SPAG6: variants seen among roughly 807,000 people sequenced by gnomAD.
SPAG6 encodes sperm-associated antigen 6.
A neutral mutation model predicts 58.5 loss-of-function variants in SPAG6; 49 were observed. The ratio of observed to expected loss-of-function variants is 0.84; its 90% CI spans 0.67 to 1.06. SPAG6 has a LOEUF of 1.06. Ranked by LOEUF, SPAG6 falls within the 50% of genes least tolerant of loss-of-function variation. The pLI is 0.00. For synonymous variants in SPAG6, 233 were observed against 225.6 expected (o/e 1.03, Z -0.29); for missense variants, 560 against 611.3 (o/e 0.92, Z 0.89).
rs184005192 is a variant in SPAG6 at position 22,402,620 on chromosome 10, C to A, written c.1314+1343C>A. 3.4e-4 allele frequency among the ~76,000 whole-genome samples: 52 copies of A among 152,322 alleles called. 1 individual carries two copies. The East Asian group carries it at 9.4e-3, about 28-fold the overall frequency. ...GGATACAGTTCTGTGTATCAAACAC[C>A]TATGTCCTTTCTTCCTCCTTCCAAT... On this transcript the variant is annotated intron_variant, in intron 9 of 10. Transcript: ENST00000376624.
Position 22,404,706 on chromosome 10 carries a change from A to C in SPAG6, c.1314+3429A>C, listed in dbSNP as rs565737411. 3.5e-4 allele frequency among the ~76,000 whole-genome samples: 48 copies of C among 137,086 alleles called. No homozygotes were observed. The South Asian group carries it at 0.011, about 31-fold the overall frequency. 89.9% of individuals were successfully genotyped at this position (137,086 alleles called of 152,430 possible). ...TGGTAGCTTGATGGGGATGGCATTG[A>C]ATCTGTAAATTACCTTGGGCAGTAT... On this transcript the variant is annotated intron_variant, in intron 9 of 10. Transcript: ENST00000376624.
At chr10:22,387,375 T>C (rs1834091601) in intron 5 of SPAG6, among the ~76,000 whole-genome samples, 1 of 152,218 alleles carries the variant, frequency 6.6e-6, no homozygotes, top group Admixed American at 6.5e-5. Flanking sequence ...TTTTATATTC[T>C]AATAGTTATA....
intron 4 of SPAG6, among the ~76,000 whole-genome samples, chr10:22,379,902 C>T (rs921232713): frequency 5.3e-5 from 8 of 152,142 alleles, no homozygotes; most frequent in Admixed American, 4.6e-4. Context: ...TCAAGCAATC[C>T]TCCCACTTCA....
chr10:22,404,568 G>A (rs1190645469), intron 9 of SPAG6, among the ~76,000 whole-genome samples: 199 of 115,100 alleles, frequency 1.7e-3, no homozygotes, highest in African/African-American at 6.2e-3. Flanking sequence ...GTCAGGTAGC[G>A]TGATGCCTCC....
intron 9 of SPAG6, among the ~76,000 whole-genome samples, chr10:22,409,289 T>G (rs1834658872): frequency 6.6e-6 from 1 of 152,232 alleles, no homozygotes; most frequent in African/African-American, 2.4e-5. Flanking sequence ...AAATGAAATA[T>G]GTAAAACCAA....
intron 2 of SPAG6, among the ~76,000 whole-genome samples, chr10:22,346,671 CAATT>C (rs1308419977): frequency 9.9e-5 from 15 of 151,974 alleles, no homozygotes; most frequent in East Asian, 1.9e-4. Context: ...ATAATTTAAA[CAATT>C]AACATGTTGA....
chr10:22,371,375 T>C (rs1833688146), intron 4 of SPAG6, among the ~76,000 whole-genome samples: 1 of 152,282 alleles, frequency 6.6e-6, no homozygotes, highest in East Asian at 1.9e-4. Context: ...TGCTTCAGCT[T>C]CCTAAATAGC....
chr10:22,353,931 A>G (rs886377759), intron 2 of SPAG6, among the ~76,000 whole-genome samples: 2 of 152,220 alleles, frequency 1.3e-5, no homozygotes, highest in Non-Finnish European at 2.9e-5. Context: ...CACAAAGACA[A>G]GAGAAAAGGT....
At position 22,368,602 on chromosome 10, in the gene SPAG6, A is replaced by G. The variant is rs773018212; in HGVS notation, c.396A>G (p.Ile132Met). 36 of 1,613,888 alleles carry G rather than the reference A, an allele frequency of 2.2e-5. No homozygotes were observed. Among genetic ancestry groups the G allele is most frequent in the Non-Finnish European group, 3.0e-5 (35 of 1,179,964 alleles). ...GTGGAGCACTGGATACGCTGGTCATATGCTTGGAAGATTTTGACCCTGGAG... is the reference window on the plus strand; with the variant it reads ...GTGGAGCACTGGATACGCTGGTCATGTGCTTGGAAGATTTTGACCCTGGAG... ...VDCGALDTLV[I>M]CLEDFDPGVK... Residue 132 changes from isoleucine to methionine, a missense_variant, in exon 4 of 11, where the codon ATA (isoleucine) becomes ATG (methionine). Coordinates refer to ENST00000376624, the MANE Select transcript of SPAG6 (RefSeq NM_012443.4).
rs138647815 is a variant in SPAG6, at chr10:22,396,485, G to A, written c.1197+4565G>A. On this transcript the variant is annotated intron_variant, in intron 8 of 10. Coordinates refer to ENST00000376624, the MANE Select transcript of SPAG6 (RefSeq NM_012443.4). ...TCTTTTTCTTCCCCATGTCGGGTAT[G>A]TCTTTATCAGCTGCATGAAAACAGA... Among the ~76,000 whole-genome samples, 411 of 152,220 alleles carry A rather than the reference G, an allele frequency of 2.7e-3. 1 individual carries two copies. Among genetic ancestry groups the A allele is most frequent in the Non-Finnish European group, 4.8e-3 (324 of 68,026 alleles).
rs143921786 is a variant in SPAG6, at chr10:22,348,150, C to G, written c.121+2332C>G. On this transcript the variant is annotated intron_variant, in intron 2 of 10. Transcript: ENST00000376624. ...AGACTACAGGTGTGCGCCACCATGC[C>G]CAGCTAATTTTTGTACTTTTAGTAG... 9.3e-3 allele frequency among the ~76,000 whole-genome samples: 1,409 copies of G among 152,188 alleles called. 7 individuals are homozygous for G. The highest frequency in any genetic ancestry group is 0.015 in the Non-Finnish European group (1,050 of 68,004).
chr10:22,411,657 G>A (rs933045635), intron 10 of SPAG6: 1 of 152,022 alleles, frequency 6.6e-6, no homozygotes, highest in South Asian at 2.1e-4. Flanking sequence ...TTATTTACAG[G>A]TACTTCAGAG....
intron 4 of SPAG6, among the ~76,000 whole-genome samples, chr10:22,369,419 T>A (rs1393930541): frequency 6.6e-6 from 1 of 152,320 alleles, no homozygotes; most frequent in South Asian, 2.1e-4. Context: ...AATAAACATA[T>A]GTAAAAATGA....
chr10:22,346,514 T>TCTC (rs915424196), intron 2 of SPAG6, among the ~76,000 whole-genome samples: 1 of 127,486 alleles, frequency 7.8e-6, no homozygotes, highest in Non-Finnish European at 1.7e-5. Context: ...TTCTTCTTCC[T>TCTC]CTTCTTCTTC....
chr10:22,408,693 A>G (rs1588563833), intron 9 of SPAG6, among the ~76,000 whole-genome samples: 1 of 152,092 alleles, frequency 6.6e-6, no homozygotes, highest in South Asian at 2.1e-4. Context: ...TGCTTTGTTT[A>G]CCTAAGCAAG....
chr10:22,387,905 C>T lies in SPAG6; in HGVS notation c.761C>T (p.Pro254Leu). ...ATGGTTGTTGAAGCAGAGATTTTTC[C>T]AGTTGTACTTACCTGTCTGAAGGAC... ...AEMVVEAEIF[P>L]VVLTCLKDKD... The change falls in exon 6 of 11, where the codon CCA becomes CTA. Residue 254 changes from proline (P) to leucine (L), a missense_variant. Physicochemically the swap from Pro to Leu is moderately conservative, Grantham distance 98. Transcript: ENST00000376624. 5.6e-6 allele frequency: 9 copies of T among 1,613,278 alleles called. No homozygotes were observed. The highest frequency in any genetic ancestry group is 6.8e-6 in the Non-Finnish European group (8 of 1,179,612).
intron 10 of SPAG6, chr10:22,413,066 C>CAAAAAAAAAAAAAAAAAAAA (rs775680159): frequency 9.2e-5 from 4 of 43,310 alleles, no homozygotes; most frequent in Admixed American, 2.5e-4. Context: ...CAGAAAGATG[C>CAAAAAAAAAAAAAAAAAAAA]AAAAAAAAAA....
chr10:22,399,826 T>C (rs1459245756), intron 8 of SPAG6, among the ~76,000 whole-genome samples: 2 of 152,228 alleles, frequency 1.3e-5, no homozygotes, highest in African/African-American at 4.8e-5. Flanking sequence ...GTTAAATTTG[T>C]TAGCTTGCTA....
intron 2 of SPAG6, among the ~76,000 whole-genome samples, chr10:22,348,082 C>G (rs1349972603): frequency 6.6e-6 from 1 of 152,138 alleles, no homozygotes; most frequent in Non-Finnish European, 1.5e-5. Flanking sequence ...CCTCCGCCTC[C>G]CAGGTTCAAG....
Sources: allele counts gnomAD v4.1 joint callset (sites outside exome capture counted in the v4.1 genomes callset), GRCh38; gene constraint gnomAD v4.1.1; transcripts MANE v1.5; gene names NCBI Gene and HGNC (gene_info 2026-07-23, HGNC 2026-07-21).